The following GRID2 variants were observed in gnomAD, a reference collection of about 807,000 sequenced individuals.
GRID2 encodes glutamate receptor ionotropic, delta-2.
Under a neutral mutation model 114.8 loss-of-function variants are expected in GRID2, and 33 were observed. The ratio of observed to expected loss-of-function variants is 0.29; its 90% CI spans 0.22 to 0.38. The LOEUF is 0.38. Ranked by LOEUF, GRID2 falls within the 10% of genes least tolerant of loss-of-function variation. GRID2 has a pLI of 1.00. For missense variants in GRID2, 1,184 were observed against 1,257.7 expected, an observed-to-expected ratio of 0.94 and a Z score of 0.89; for synonymous variants, 505 against 449.9, an observed-to-expected ratio of 1.12 and a Z score of -1.55.
intron 2 of GRID2, among the ~76,000 whole-genome samples, chr4:92,985,825 TC>T (rs1474674818): frequency 1.3e-5 from 2 of 152,158 alleles, no homozygotes; most frequent in African/African-American, 4.8e-5. Flanking sequence ...AGTTTGAACT[TC>T]CTATTGAAGT....
intron 1 of GRID2, among the ~76,000 whole-genome samples, chr4:92,425,362 G>A (rs938657688): frequency 6.6e-6 from 1 of 152,008 alleles, no homozygotes; most frequent in Non-Finnish European, 1.5e-5. Context: ...GCCAAAAAAT[G>A]TCAAACACAA....
chr4:93,304,701 A>C lies in GRID2; in HGVS notation c.1245+66211A>C, dbSNP rs149184795. Among the ~76,000 whole-genome samples the C allele has an allele frequency of 1.4e-4, 21 of 152,304 alleles. No homozygotes were observed. The East Asian group carries it at 3.7e-3, about 27-fold the overall frequency. ...ACAAATAGGACACCAGTAGAAAAAA[A>C]AATTAAACTAAAACAAAACAGCATG... On this transcript the variant is annotated intron_variant, in intron 8 of 15. Coordinates refer to ENST00000282020, the MANE Select transcript of GRID2 (RefSeq NM_001510.4).
chr4:93,677,730 A>G (rs184493726), intron 14 of GRID2, among the ~76,000 whole-genome samples: 3 of 152,296 alleles, frequency 2.0e-5, no homozygotes, highest in African/African-American at 7.2e-5. Flanking sequence ...CCTGTCTGTT[A>G]GAAGGAAAAC....
chr4:93,108,209 A>G (rs543322867), intron 3 of GRID2, among the ~76,000 whole-genome samples: 2 of 152,278 alleles, frequency 1.3e-5, no homozygotes, highest in South Asian at 2.1e-4. Context: ...TCACCCTATT[A>G]TCATCTACCA....
intron 2 of GRID2, among the ~76,000 whole-genome samples, chr4:92,927,079 A>G (rs1749864143): frequency 1.3e-5 from 2 of 151,906 alleles, no homozygotes; most frequent in Admixed American, 6.6e-5. Flanking sequence ...ATAAAATGAG[A>G]CAACATCTTT....
chr4:93,605,442 A>G (rs1264481575), intron 13 of GRID2, among the ~76,000 whole-genome samples: 1 of 152,142 alleles, frequency 6.6e-6, no homozygotes, highest in African/African-American at 2.4e-5. Flanking sequence ...TACCTTAATA[A>G]TGGTAACTTA....
chr4:93,057,619 T>C (rs1349423291), intron 2 of GRID2, among the ~76,000 whole-genome samples: 2 of 151,932 alleles, frequency 1.3e-5, no homozygotes, highest in East Asian at 3.9e-4. Flanking sequence ...TGAGGAGGGC[T>C]TCCTTAAGTC....
intron 8 of GRID2, among the ~76,000 whole-genome samples, chr4:93,266,233 T>G (rs1026702022): frequency 6.6e-6 from 1 of 152,116 alleles, no homozygotes; most frequent in African/African-American, 2.4e-5. Flanking sequence ...CTCATCAACA[T>G]TATAATAAAA....
At chr4:93,058,362 G>A (rs1295197378) in intron 2 of GRID2, among the ~76,000 whole-genome samples, 1 of 151,858 alleles carries the variant, frequency 6.6e-6, no homozygotes, top group African/African-American at 2.4e-5. Context: ...ACTTTGCTCA[G>A]CAATTGCTTT....
intron 1 of GRID2, among the ~76,000 whole-genome samples, chr4:93,803,522 G>C (rs576435007): frequency 5.7e-4 from 86 of 152,170 alleles, no homozygotes; most frequent in Non-Finnish European, 1.1e-3. Flanking sequence ...AGGAGTTCGA[G>C]ACCAACCTGG....
At chr4:92,369,689 G>T (rs969664283) in intron 1 of GRID2, among the ~76,000 whole-genome samples, 1 of 152,136 alleles carries the variant, frequency 6.6e-6, no homozygotes, top group Non-Finnish European at 1.5e-5. Context: ...TTCAGATGAT[G>T]TTGTACATTT....
At position 92,415,728 on chromosome 4, in the gene GRID2, GTGTGTA is replaced by G. The variant is rs1433770131; in HGVS notation, c.88+110990_88+110995del. On this transcript the variant is annotated intron_variant, in intron 1 of 15. Transcript: ENST00000282020. ...CGCATGTATGTGTGTGTGTGTGTGT[GTGTGTA>G]TGTGTGTATATATATATATATATAT... Among the ~76,000 whole-genome samples the G allele has an allele frequency of 1.4e-4, 13 of 90,300 alleles. No individual in the cohort carries two copies. The Admixed American group carries it at 1.7e-3, about 12-fold the overall frequency. 59.2% of individuals were successfully genotyped at this position (90,300 alleles called of 152,430 possible). A position where few individuals can be genotyped will look rare whatever the true frequency, so the allele number is the denominator to read the frequency against.
intron 2 of GRID2, among the ~76,000 whole-genome samples, chr4:92,896,603 A>G (rs1179893963): frequency 6.6e-6 from 1 of 151,596 alleles, no homozygotes; most frequent in Non-Finnish European, 1.5e-5. Context: ...GTAGTCGAGA[A>G]CACACCTTGC....
chr4:92,742,548 T>C (rs1212910257), intron 2 of GRID2, among the ~76,000 whole-genome samples: 1 of 152,160 alleles, frequency 6.6e-6, no homozygotes, highest in East Asian at 1.9e-4. Flanking sequence ...ATGCTGTTCT[T>C]TAAGTTCAAG....
chr4:93,543,171 C>T, intron 13 of GRID2, among the ~76,000 whole-genome samples: 1 of 152,214 alleles, frequency 6.6e-6, no homozygotes, highest in South Asian at 2.1e-4. Flanking sequence ...CCAATATTTC[C>T]TAAAGTTCAA....
At chr4:93,519,889 G>C (rs570123062) in intron 13 of GRID2, among the ~76,000 whole-genome samples, 1 of 152,080 alleles carries the variant, frequency 6.6e-6, no homozygotes, top group East Asian at 1.9e-4. Context: ...TGCTATTACT[G>C]GGGGGAACTC....
rs149986304 is a variant in GRID2, at chr4:93,405,054, T to G, written c.1347+9346T>G. 7.7e-3 allele frequency among the ~76,000 whole-genome samples: 1,169 copies of G among 152,208 alleles called. 15 individuals carry two copies. Among genetic ancestry groups the G allele is most frequent in the African/African-American group, 0.026 (1,097 of 41,544 alleles). On this transcript the variant is annotated intron_variant, in intron 9 of 15. Coordinates refer to ENST00000282020, the MANE Select transcript of GRID2 (RefSeq NM_001510.4). ...ATATTCACCAAGTTAAAAATAACAT[T>G]GCTACAACTCTGATCCAGTGTAAAG... is the stretch of plus-strand genomic sequence containing the variant.
chr4:92,424,419 TC>T (rs985904972), intron 1 of GRID2, among the ~76,000 whole-genome samples: 1 of 152,008 alleles, frequency 6.6e-6, no homozygotes, highest in Non-Finnish European at 1.5e-5. Flanking sequence ...GATGACCAAC[TC>T]CTTTGGATAA....
At chr4:93,131,148 T>TTTA (rs1391973659) in intron 4 of GRID2, among the ~76,000 whole-genome samples, 1 of 48,952 alleles carries the variant, frequency 2.0e-5, no homozygotes, top group African/African-American at 9.1e-5. Flanking sequence ...TTAAATAATT[T>TTTA]TTTTTTTTTT....
Sources: gnomAD v4.1 joint callset for allele counts (sites outside exome capture counted in the v4.1 genomes callset) on GRCh38, gnomAD v4.1.1 for gene constraint, MANE v1.5 for transcripts, NCBI Gene and HGNC (gene_info 2026-07-23, HGNC 2026-07-21) for gene names.